ARHGAP6: variants seen among roughly 807,000 people sequenced by gnomAD.
ARHGAP6 encodes the protein rho GTPase-activating protein 6.
ARHGAP6 carries 16 observed loss-of-function variants against 55.7 expected under a neutral mutation model. The observed-to-expected ratio is 0.29, with a 90% CI of 0.19 to 0.44. The LOEUF is 0.44. Ranked by LOEUF, ARHGAP6 falls within the 20% of genes least tolerant of loss-of-function variation. The pLI, the probability that ARHGAP6 is intolerant of heterozygous loss-of-function variation, is 1.00. For synonymous variants in ARHGAP6, 382 were observed against 360.9 expected (o/e 1.06, Z -0.66); for missense variants, 698 against 808.9 (o/e 0.86, Z 1.66).
At chrX:11,370,806 A>G (rs2049135458) in intron 1 of ARHGAP6, among the ~76,000 whole-genome samples, 1 of 111,202 alleles carries the variant, frequency 9.0e-6, no homozygotes, top group South Asian at 3.8e-4. Context: ...CCTGAGGCCC[A>G]TCACACTCTA....
At chrX:11,637,765 T>C (rs2052433753) in intron 1 of ARHGAP6, among the ~76,000 whole-genome samples, 1 of 78,604 alleles carries the variant, frequency 1.3e-5, no homozygotes, top group African/African-American at 6.6e-5. Flanking sequence ...AATTTTGATT[T>C]TTTTTTTTTG....
chrX:11,157,222 C>T (rs2045875896), intron 9 of ARHGAP6, among the ~76,000 whole-genome samples: 1 of 112,175 alleles, frequency 8.9e-6, no homozygotes, highest in South Asian at 3.7e-4. Flanking sequence ...ACAGTACTCA[C>T]CACGAAGCAT....
intron 2 of ARHGAP6, among the ~76,000 whole-genome samples, chrX:11,211,284 C>A (rs1419514639): frequency 9.7e-6 from 1 of 103,425 alleles, no homozygotes. Flanking sequence ...TGCACTGGCG[C>A]GATCTCGGCT....
In ARHGAP6 at chrX:11,277,709, T is replaced by A. The variant is rs190761678; in HGVS notation, c.589-23002A>T. On this transcript the variant is annotated intron_variant, in intron 1 of 12. Coordinates refer to ENST00000337414, the MANE Select transcript of ARHGAP6 (RefSeq NM_013427.3). ...GAGGTTTCTAGTATTCTTTTTTTTT[T>A]TAAAAAAAAATTAGCCCTGTAATGG... Among the ~76,000 whole-genome samples, 462 of 109,114 alleles carry A rather than the reference T, an allele frequency of 4.2e-3. 2 individuals carry two copies. Among genetic ancestry groups the A allele is most frequent in the Non-Finnish European group, 6.8e-3 (357 of 52,137 alleles). 94.8% of individuals were successfully genotyped at this position (109,114 alleles called of 115,157 possible). A position where few individuals can be genotyped will look rare whatever the true frequency, so the allele number is the denominator to read the frequency against.
chrX:11,280,683 T>C (rs944726102), intron 1 of ARHGAP6, among the ~76,000 whole-genome samples: 1 of 101,003 alleles, frequency 9.9e-6, no homozygotes, highest in African/African-American at 3.8e-5. Context: ...ATTTCGAGGC[T>C]GCAGTCAAGA....
chrX:11,320,835 C>T (rs751199404), intron 1 of ARHGAP6, among the ~76,000 whole-genome samples: 34 of 108,832 alleles, frequency 3.1e-4, no homozygotes, highest in Admixed American at 2.9e-3. Context: ...CACACACACA[C>T]ATATATAAAC....
At chrX:11,176,254 TATATATATATTTGC>T (rs2046214800) in intron 8 of ARHGAP6, among the ~76,000 whole-genome samples, 1 of 68,935 alleles carries the variant, frequency 1.5e-5, no homozygotes, top group Non-Finnish European at 2.7e-5. Flanking sequence ...TATATATATA[TATATATATATTTGC>T]ATATATTTAT....
chrX:11,362,310 G>A (rs1482135402), intron 1 of ARHGAP6, among the ~76,000 whole-genome samples: 2 of 111,405 alleles, frequency 1.8e-5, no homozygotes, highest in Non-Finnish European at 3.8e-5. Flanking sequence ...ATACACCATG[G>A]AATACTATGC....
At chrX:11,536,894 G>A (rs952867037) in intron 1 of ARHGAP6, among the ~76,000 whole-genome samples, 3 of 111,812 alleles carry the variant, frequency 2.7e-5, no homozygotes, top group Non-Finnish European at 5.6e-5. Flanking sequence ...ACTTTTTCAC[G>A]GAAGGGCCTT....
chrX:11,144,190 T>C lies in ARHGAP6; in HGVS notation c.1966A>G (p.Thr656Ala), dbSNP rs780441974. 8.3e-7 allele frequency: 1 copy of C among 1,211,917 alleles called. No homozygotes were observed. Among genetic ancestry groups the C allele is most frequent in the Non-Finnish European group, 1.1e-6 (1 of 895,510 alleles). The change falls in exon 11 of 13, where the codon ACA (threonine) becomes GCA (alanine). Residue 656 changes from threonine to alanine, a missense_variant. This residue lies in a region of ARHGAP6 where 322 missense variants were observed against 451.1 expected (regional missense o/e 0.71). Coordinates refer to ENST00000337414, the MANE Select transcript of ARHGAP6 (RefSeq NM_013427.3). ...SFSVGGRHSS[T>A]DSNKASSGDI... is the part of the protein sequence containing the mutation. ...CCGCTGGAGGCCTTGTTGGAGTCTG[T>C]AGATGAATGCCTCCCTCCCACGGAA...
intron 1 of ARHGAP6, among the ~76,000 whole-genome samples, chrX:11,515,729 A>G (rs1407359650): frequency 4.4e-5 from 5 of 112,757 alleles, no homozygotes; most frequent in Admixed American, 2.8e-4. Context: ...AATGATTCAT[A>G]CAAATTAGTA....
intron 1 of ARHGAP6, among the ~76,000 whole-genome samples, chrX:11,507,391 C>T (rs2050745173): frequency 9.0e-6 from 1 of 111,382 alleles, no homozygotes; most frequent in Non-Finnish European, 1.9e-5. Context: ...TCTCAGTCTC[C>T]GTGTCTTTAA....
At chrX:11,215,362 C>A (rs948754739) in intron 2 of ARHGAP6, among the ~76,000 whole-genome samples, 12 of 112,738 alleles carry the variant, frequency 1.1e-4, no homozygotes, top group African/African-American at 3.2e-5. Context: ...AATGGCTCCG[C>A]GAGGATCCCC....
At chrX:11,340,727 TAA>T (rs375095149) in intron 1 of ARHGAP6, among the ~76,000 whole-genome samples, 8 of 96,633 alleles carry the variant, frequency 8.3e-5, no homozygotes, top group Admixed American at 5.5e-4. Flanking sequence ...AGACTCCGTC[TAA>T]AAAAAAAAAA....
intron 1 of ARHGAP6, among the ~76,000 whole-genome samples, chrX:11,569,633 C>T (rs1021257242): frequency 2.7e-5 from 3 of 111,952 alleles, no homozygotes; most frequent in African/African-American, 9.8e-5. Context: ...GGGTGGATGT[C>T]TGCACCATAG....
intron 1 of ARHGAP6, among the ~76,000 whole-genome samples, chrX:11,400,704 T>C (rs1044574836): frequency 9.9e-5 from 11 of 111,508 alleles, no homozygotes; most frequent in East Asian, 5.6e-4. Context: ...CTATCTTTCA[T>C]CCAGAAATAT....
At chrX:11,169,459 C>CAAT (rs770115205) in intron 9 of ARHGAP6, 46 bp downstream of exon 9, 13 of 1,135,645 alleles carry the variant, frequency 1.1e-5, no homozygotes, top group Middle Eastern at 2.5e-4. Flanking sequence ...CAGAGGAAAC[C>CAAT]AATAGGCAGT....
In ARHGAP6 at chrX:11,465,236, A is replaced by C. The variant is rs1336443109; in HGVS notation, c.588+199005T>G. Among the ~76,000 whole-genome samples, 4 of 111,953 alleles carry C rather than the reference A, an allele frequency of 3.6e-5. No homozygotes were observed. In the Admixed American group the frequency reaches 3.8e-4, roughly 11 times the overall value. ...TAACATGGGCTTTGCGTGCAACTCT[A>C]ATTTTGCCCTCTCAATACTTGTATG... On this transcript the variant is annotated intron_variant, in intron 1 of 12. Transcript: ENST00000337414.
intron 2 of ARHGAP6, chrX:11,225,852 C>A (rs1218884641): frequency 1.7e-5 from 4 of 238,750 alleles, no homozygotes; most frequent in Non-Finnish European, 3.1e-5. Context: ...TATGGAAAGA[C>A]CTTTTTTTTT....
Sources: allele counts gnomAD v4.1 joint callset (sites outside exome capture counted in the v4.1 genomes callset), GRCh38; gene constraint gnomAD v4.1.1; regional missense constraint gnomAD v4.1.1; transcripts MANE v1.5; gene names NCBI Gene and HGNC (gene_info 2026-07-23, HGNC 2026-07-21).